STAB1: variants seen among roughly 807,000 people sequenced by gnomAD.
The protein encoded by STAB1 is stabilin 1.
In STAB1, 250 loss-of-function variants were observed where a neutral mutation model predicts 332.4. The ratio of observed to expected loss-of-function variants is 0.75; its 90% CI spans 0.68 to 0.84. STAB1 has a LOEUF of 0.84. Ranked by LOEUF, STAB1 falls within the 40% of genes least tolerant of loss-of-function variation. The pLI is 0.00. For missense variants in STAB1, 3,249 were observed against 3,489.7 expected (o/e 0.93, Z 1.74); for synonymous variants, 1,475 against 1,390.4 (o/e 1.06, Z -1.35).
Position 52,495,362 on chromosome 3 carries a change from A to G in STAB1, c.-52A>G, listed in dbSNP as rs1707926140. On this transcript the variant is annotated 5_prime_UTR_variant, in exon 1 of 69. Coordinates refer to ENST00000321725, the MANE Select transcript of STAB1 (RefSeq NM_015136.3). ...CCTGCCTGTGCTGTGCCTGCCTCCT[A>G]GAGCTCATTCCCTACGCCCCGACTC... 1 of 1,271,388 alleles carries G rather than the reference A, an allele frequency of 7.9e-7. No individual in the cohort carries two copies. Among genetic ancestry groups the G allele is most frequent in the Non-Finnish European group, 1.0e-6 (1 of 994,916 alleles). The allele number at this position is 1,271,388 out of a possible 1,614,324, so 78.8% of individuals were successfully genotyped here. A position where few individuals can be genotyped will look rare whatever the true frequency, so the allele number is the denominator to read the frequency against.
intron 55 of STAB1, 113 bp from the exon 56 acceptor site, chr3:52,521,248 G>C: frequency 6.9e-7 from 1 of 1,455,224 alleles, no homozygotes; most frequent in Non-Finnish European, 9.4e-7. Flanking sequence ...AGGGATCTTA[G>C]CAGTGGGCGG....
At chr3:52,499,377 G>T (rs1381413921) in intron 1 of STAB1, among the ~76,000 whole-genome samples, 1 of 152,238 alleles carries the variant, frequency 6.6e-6, no homozygotes, top group African/African-American at 2.4e-5. Context: ...GCATCCTTGT[G>T]CCCATGCCGT....
rs2078968912 is a variant in STAB1, at chr3:52,518,887, C to G, written c.5034+18C>G. 2 of 1,533,030 alleles carry G rather than the reference C, an allele frequency of 1.3e-6. No individual in the cohort carries two copies. Among genetic ancestry groups the G allele is most frequent in the African/African-American group, 2.7e-5 (2 of 73,076 alleles). 95.0% of individuals were successfully genotyped at this position (1,533,030 alleles called of 1,614,324 possible). ...AGAGGGAGGTGAGCCCTGGCCCTGGCCTGCCCCGCTCCATCCCGCCCCGCC... is the reference window on the plus strand; with the variant it reads ...AGAGGGAGGTGAGCCCTGGCCCTGGGCTGCCCCGCTCCATCCCGCCCCGCC... On this transcript the variant is annotated intron_variant, in intron 48 of 68. Transcript: ENST00000321725.
In STAB1 at chr3:52,504,520, G is replaced by A. The variant is rs200927449; in HGVS notation, c.1210G>A (p.Val404Ile). 31 of 1,614,028 alleles carry A rather than the reference G, an allele frequency of 1.9e-5. No homozygotes were observed. The highest frequency in any genetic ancestry group is 1.6e-4 in the East Asian group (7 of 44,886). Residue 404 changes from valine (V) to isoleucine (I), a missense_variant, in exon 11 of 69, where the codon GTC (valine) becomes ATC (isoleucine). Val to Ile is a conservative substitution (Grantham distance 29, BLOSUM62 3). Coordinates refer to ENST00000321725, the MANE Select transcript of STAB1 (RefSeq NM_015136.3). ...CCCTTTCACCGTGCTGGTGCCATCC[G>A]TCTCCTCCTTCTCCTCCAGGACCAT... ...AGPFTVLVPS[V>I]SSFSSRTMNA...
At chr3:52,506,928 G>A (rs977564501) in intron 18 of STAB1, 78 bp downstream of exon 18, 1 of 1,566,600 alleles carries the variant, frequency 6.4e-7, no homozygotes, top group African/African-American at 1.3e-5. Flanking sequence ...TTCCCAGGGA[G>A]AGGCGCTAAG....
At position 52,519,300 on chromosome 3, in the gene STAB1, A is replaced by G. The variant is rs767137872; in HGVS notation, c.5071A>G (p.Ser1691Gly). The change falls in exon 49 of 69, where the codon AGC becomes GGC. Residue 1691 changes from serine (S) to glycine (G), a missense_variant. Transcript: ENST00000321725. ...IYLNDFARVV[S>G]SDHEAVNGIL... ...CCTCAATGACTTCGCGCGCGTGGTG[A>G]GCAGCGACCATGAGGCCGTGAACGG... The G allele has an allele frequency of 6.2e-7, 1 of 1,612,828 alleles. No homozygotes were observed. The highest frequency in any genetic ancestry group is 1.1e-5 in the South Asian group (1 of 91,090).
chr3:52,501,346 T>G (rs773629685), intron 2 of STAB1, 44 bp downstream of exon 2: 1 of 1,596,134 alleles, frequency 6.3e-7, no homozygotes, highest in Non-Finnish European at 8.6e-7. Context: ...GAGCATCCTG[T>G]GGGGTGGCAG....
intron 1 of STAB1, among the ~76,000 whole-genome samples, chr3:52,498,621 TCA>T (rs1708215693): frequency 6.6e-6 from 1 of 152,242 alleles, no homozygotes. Flanking sequence ...CCTGACTGTC[TCA>T]GAGTGCGACC....
In STAB1 at chr3:52,513,139, T is replaced by C. The variant is rs1232591158; in HGVS notation, c.3168T>C (p.Phe1056=). The change falls in exon 30 of 69, where the codon TTT becomes TTC. Residue 1056 remains phenylalanine (F), a synonymous_variant. Transcript: ENST00000321725. ...AACTGTGCCCTGTCAGGGCCCATTT[T>C]CTCCAGGGTGCCCTCTTCGAGGAGG... ...RTLPNLVRAH[F]LQGALFEEEL... 1.3e-6 allele frequency: 2 copies of C among 1,567,928 alleles called. No homozygotes were observed. Among genetic ancestry groups the C allele is most frequent in the Non-Finnish European group, 1.7e-6 (2 of 1,156,224 alleles).
At chr3:52,521,226 A>G in intron 55 of STAB1, 135 bp from the exon 56 acceptor site, 1 of 1,301,972 alleles carries the variant, frequency 7.7e-7, no homozygotes, top group South Asian at 1.4e-5. Flanking sequence ...GTTCTCCAGG[A>G]CATGGGCCTG....
Position 52,516,082 on chromosome 3 carries a change from G to A in STAB1, c.3988G>A (p.Glu1330Lys), listed in dbSNP as rs150304203. Residue 1330 changes from glutamate (E) to lysine (K), a missense_variant, in exon 38 of 69, where the codon GAG becomes AAG. Glu to Lys is a moderately conservative substitution (Grantham distance 56). Transcript: ENST00000321725. ...CCCTGGTTTCTTTGGCACGCTGTGT[G>A]AGCCATGCCCAGGGGGTCTAGGGGG... ...CCPGFFGTLC[E>K]PCPGGLGGVC... The A allele has an allele frequency of 1.9e-5, 30 of 1,611,764 alleles. No individual in the cohort carries two copies. The highest frequency in any genetic ancestry group is 2.5e-5 in the Non-Finnish European group (29 of 1,179,304).
chr3:52,523,299 GAC>G lies in STAB1; in HGVS notation c.7101_7102del (p.Phe2369ArgfsTer5), dbSNP rs760889102. On this transcript the variant is annotated frameshift_variant, in exon 64 of 69. Transcript: ENST00000321725. LOFTEE classifies it high-confidence loss of function. ...DFLDDELTYK[T>X]LFVPVNEGFV... ...TCCTGGATGATGAGCTCACGTATAA[GAC>G]ACTCTTCGTCCCTGTCAATGAAGGC... 1.2e-6 allele frequency: 2 copies of G among 1,612,384 alleles called. No homozygotes were observed. The highest frequency in any genetic ancestry group is 1.7e-6 in the Non-Finnish European group (2 of 1,180,020).
chr3:52,501,884 G>T (rs1248329828), intron 3 of STAB1, 122 bp from the exon 4 acceptor site: 14 of 1,419,428 alleles, frequency 9.9e-6, no homozygotes, highest in South Asian at 3.6e-5. Flanking sequence ...CGCCTCCAAG[G>T]CTCGGCCCCC....
At chr3:52,509,112 A>C in intron 21 of STAB1, 98 bp from the exon 22 acceptor site, 10 of 1,091,232 alleles carry the variant, frequency 9.2e-6, no homozygotes, top group South Asian at 1.6e-5. Context: ...ACGGGTAGCA[A>C]GAGCTCAGAG....
At chr3:52,518,676 C>G in intron 47 of STAB1, 47 bp from the exon 48 acceptor site, 1 of 1,611,840 alleles carries the variant, frequency 6.2e-7, no homozygotes, top group South Asian at 1.1e-5. Context: ...CCTGCGTGGG[C>G]TGAGGCGGCA....
At chr3:52,503,215 C>A in intron 7 of STAB1, 106 bp downstream of exon 7, 1 of 1,492,488 alleles carries the variant, frequency 6.7e-7, no homozygotes, top group Non-Finnish European at 9.1e-7. Context: ...GAGGGAGAGC[C>A]ATTCCTAAGG....
chr3:52,519,509 A>G lies in STAB1; in HGVS notation c.5180A>G (p.Asn1727Ser). The stretch of plus-strand genomic sequence containing the variant: ...TTTATGAGAGCCTTTCCTCAGAGAA[A>G]TGTCACCGCCGCCGCCCAGGGCTTC... ...EPDDAPIPRRNVTAAAQGFGY... is the reference protein window; with the variant it reads ...EPDDAPIPRRSVTAAAQGFGY... Residue 1727 changes from asparagine (N) to serine (S), a missense_variant, in exon 50 of 69, where the codon AAT becomes AGT. Physicochemically the swap from Asn to Ser is conservative, Grantham distance 46 (BLOSUM62 1). Transcript: ENST00000321725. The G allele has an allele frequency of 3.7e-6, 6 of 1,613,188 alleles. No individual in the cohort carries two copies. Among genetic ancestry groups the G allele is most frequent in the Non-Finnish European group, 5.1e-6 (6 of 1,179,962 alleles).
intron 30 of STAB1, 81 bp downstream of exon 30, chr3:52,513,322 C>A: frequency 7.2e-7 from 1 of 1,390,066 alleles, no homozygotes; most frequent in Non-Finnish European, 9.7e-7. Context: ...TCTCCCACAT[C>A]AGGGGCCCCA....
In STAB1 at chr3:52,506,806, A is replaced by G. The variant is rs756962363; in HGVS notation, c.1945A>G (p.Ile649Val). ...GILLPPTILP[I>V]LPKHCSEEQH... ...CCTGCTGCCCCCGACCATCCTGCCC[A>G]TCCTGCCCAAGCACTGCAGCGAGGA... Residue 649 changes from isoleucine (I) to valine (V), a missense_variant, in exon 18 of 69, where the codon ATC (isoleucine) becomes GTC (valine). Coordinates refer to ENST00000321725, the MANE Select transcript of STAB1 (RefSeq NM_015136.3). 5.0e-6 allele frequency: 8 copies of G among 1,613,190 alleles called. No homozygotes were observed. The Admixed American group carries it at 5.0e-5, about 10-fold the overall frequency.
Sources: allele counts gnomAD v4.1 joint callset (sites outside exome capture counted in the v4.1 genomes callset), GRCh38; gene constraint gnomAD v4.1.1; transcripts MANE v1.5; gene names NCBI Gene and HGNC (gene_info 2026-07-23, HGNC 2026-07-21).